Variants in LYPLAL1 observed in about 807,000 individuals in gnomAD.
The protein encoded by LYPLAL1 is lysophospholipase-like protein 1.
A neutral mutation model predicts 19.7 loss-of-function variants in LYPLAL1; 23 were observed. That is an observed-to-expected ratio of 1.17 (90% CI 0.84 to 1.65). The LOEUF (loss-of-function observed/expected upper bound fraction) is 1.65. Ranked by LOEUF, LYPLAL1 falls within the 40% of genes most tolerant of loss-of-function variation. The pLI, the probability that LYPLAL1 is intolerant of heterozygous loss-of-function variation, is 0.00. For missense variants in LYPLAL1, 355 were observed against 279.4 expected (o/e 1.27, Z -1.93); for synonymous variants, 119 against 96.3 (o/e 1.24, Z -1.38).
the LYPLAL1 span, among the ~76,000 whole-genome samples, chr1:219,228,174 C>G: frequency 6.6e-6 from 1 of 152,122 alleles, no homozygotes; most frequent in South Asian, 2.1e-4. Flanking sequence ...TAAAGGGTCC[C>G]GTAAGACCAA....
the LYPLAL1 span, among the ~76,000 whole-genome samples, chr1:219,259,639 G>A: frequency 1.3e-5 from 2 of 151,468 alleles, no homozygotes; most frequent in African/African-American, 4.8e-5. Flanking sequence ...GAGACACGGG[G>A]GGAAGGGTTG....
chr1:219,402,632 C>A, the LYPLAL1 span, among the ~76,000 whole-genome samples: 1 of 136,458 alleles, frequency 7.3e-6, no homozygotes. Flanking sequence ...AAGGAAAACC[C>A]TACCAGAAAC....
chr1:219,177,499 A>G (rs1278441326), intron 1 of LYPLAL1, among the ~76,000 whole-genome samples: 4 of 152,064 alleles, frequency 2.6e-5, no homozygotes, highest in Non-Finnish European at 5.9e-5. Context: ...TGTATGCATT[A>G]CAAAGAGGCA....
the LYPLAL1 span, among the ~76,000 whole-genome samples, chr1:219,223,972 A>G: frequency 1.3e-5 from 2 of 152,066 alleles, no homozygotes; most frequent in South Asian, 2.1e-4. Flanking sequence ...TTTCTTCCCT[A>G]CCCTGATTTT....
the LYPLAL1 span, among the ~76,000 whole-genome samples, chr1:219,398,094 T>C: frequency 6.6e-6 from 1 of 152,200 alleles, no homozygotes; most frequent in Non-Finnish European, 1.5e-5. Context: ...TAATTCCTGG[T>C]CTCTCTAGCT....
chr1:219,251,310 T>C, the LYPLAL1 span, among the ~76,000 whole-genome samples: 2 of 152,096 alleles, frequency 1.3e-5, no homozygotes, highest in African/African-American at 2.4e-5. Context: ...CATTTGTCAA[T>C]TTTTGTTTTC....
chr1:219,223,327 C>G, the LYPLAL1 span: 1 of 152,084 alleles, frequency 6.6e-6, no homozygotes, highest in Non-Finnish European at 1.5e-5. Flanking sequence ...CCCAGTAAAC[C>G]ATACAATTTG....
At chr1:219,282,655 T>A in the LYPLAL1 span, among the ~76,000 whole-genome samples, 2 of 152,154 alleles carry the variant, frequency 1.3e-5, no homozygotes, top group East Asian at 3.8e-4. Context: ...CAACTGAATC[T>A]TAGAAGACAG....
chr1:219,356,522 A>G, the LYPLAL1 span, among the ~76,000 whole-genome samples: 1 of 152,152 alleles, frequency 6.6e-6, no homozygotes. Context: ...AAAAGGGAAA[A>G]TAGAATTTTT....
chr1:219,227,965 G>C, the LYPLAL1 span, among the ~76,000 whole-genome samples: 1 of 152,260 alleles, frequency 6.6e-6, no homozygotes, highest in African/African-American at 2.4e-5. Context: ...GTGTAGCCAG[G>C]CTGTTCAGGA....
At chr1:219,228,796 C>A in the LYPLAL1 span, among the ~76,000 whole-genome samples, 1 of 151,950 alleles carries the variant, frequency 6.6e-6, no homozygotes, top group African/African-American at 2.4e-5. Context: ...TCTCCTGCCT[C>A]AGCCTCCTGA....
the LYPLAL1 span, among the ~76,000 whole-genome samples, chr1:219,247,162 ACTT>A: frequency 1.3e-5 from 2 of 152,226 alleles, no homozygotes; most frequent in Non-Finnish European, 2.9e-5. Flanking sequence ...AATTATAACT[ACTT>A]CTTAAGCAAA....
At chr1:219,352,007 A>G in the LYPLAL1 span, among the ~76,000 whole-genome samples, 1 of 152,162 alleles carries the variant, frequency 6.6e-6, no homozygotes, top group Non-Finnish European at 1.5e-5. Context: ...GATTTTTGTA[A>G]ATTCTATTTT....
At chr1:219,249,497 C>T in the LYPLAL1 span, among the ~76,000 whole-genome samples, 1 of 151,946 alleles carries the variant, frequency 6.6e-6, no homozygotes, top group South Asian at 2.1e-4. Flanking sequence ...ATGAGCACCA[C>T]TGACATGAAT....
the LYPLAL1 span, among the ~76,000 whole-genome samples, chr1:219,403,782 A>G: frequency 6.6e-6 from 1 of 152,190 alleles, no homozygotes. Flanking sequence ...GAGATTTCTC[A>G]TCCATGCAGT....
chr1:219,291,367 T>A, the LYPLAL1 span, among the ~76,000 whole-genome samples: 1 of 152,196 alleles, frequency 6.6e-6, no homozygotes, highest in African/African-American at 2.4e-5. Context: ...GTTTGCTGTT[T>A]TGGATGGTTT....
the LYPLAL1 span, among the ~76,000 whole-genome samples, chr1:219,329,507 G>T: frequency 6.6e-6 from 1 of 152,040 alleles, no homozygotes; most frequent in African/African-American, 2.4e-5. Flanking sequence ...TAATCAAATA[G>T]GTATGCAAAA....
At chr1:219,250,585 T>C in the LYPLAL1 span, among the ~76,000 whole-genome samples, 1 of 146,696 alleles carries the variant, frequency 6.8e-6, no homozygotes, top group Non-Finnish European at 1.5e-5. Flanking sequence ...GTTAGTTTGT[T>C]AAGGATATTT....
the LYPLAL1 span, among the ~76,000 whole-genome samples, chr1:219,362,755 A>G: frequency 6.6e-6 from 1 of 152,094 alleles, no homozygotes; most frequent in African/African-American, 2.4e-5. Flanking sequence ...GCTAAGTTTT[A>G]TTGTACAAGT....
Sources: allele counts gnomAD v4.1 joint callset (sites outside exome capture counted in the v4.1 genomes callset), GRCh38; gene constraint gnomAD v4.1.1; transcripts MANE v1.5; gene names NCBI Gene and HGNC (gene_info 2026-07-23, HGNC 2026-07-21).